ALDOC: variants seen among roughly 807,000 people sequenced by gnomAD.
ALDOC encodes aldolase, fructose-bisphosphate C, also known as fructose-bisphosphate aldolase C.
A neutral mutation model predicts 39.5 loss-of-function variants in ALDOC; 23 were observed. That is an observed-to-expected ratio of 0.58 (90% confidence interval 0.42 to 0.82). The LOEUF (loss-of-function observed/expected upper bound fraction) is 0.82, where lower values mean the gene tolerates loss of function less well. Among genes scored for constraint, ALDOC ranks in the 40% least tolerant of loss-of-function variants. The pLI is 0.00. For synonymous variants in ALDOC, 160 were observed against 182.6 expected, an observed-to-expected ratio of 0.88 and a Z score of 1.00; for missense variants, 356 against 479.1, an observed-to-expected ratio of 0.74 and a Z score of 2.40.
chr17:28,574,714 A>G lies in ALDOC; in HGVS notation c.522T>C (p.Tyr174=). The G allele has an allele frequency of 6.2e-7, 1 of 1,614,212 alleles. No individual in the cohort carries two copies. The highest frequency in any genetic ancestry group is 8.5e-7 in the Non-Finnish European group (1 of 1,180,030). The part of the protein sequence containing the change: ...ILENANVLAR[Y]ASICQQNGIV... ...CACACACCTGCTGGCAGATACTGGC[A>G]TAACGGGCCAGCACGTTGGCGTTCT... The change falls in exon 5 of 9, where the codon TAT becomes TAC. Residue 174 remains tyrosine, a synonymous_variant. Coordinates refer to ENST00000226253, the MANE Select transcript of ALDOC (RefSeq NM_005165.3).
rs778804657 is a variant in ALDOC at position 28,574,706 on chromosome 17, A to G, written c.530T>C (p.Ile177Thr). The change falls in exon 5 of 9, where the codon ATC becomes ACC. Residue 177 changes from isoleucine to threonine, a missense_variant. Coordinates refer to ENST00000226253, the MANE Select transcript of ALDOC (RefSeq NM_005165.3). ...TCCCAACACACACACCTGCTGGCAG[A>G]TACTGGCATAACGGGCCAGCACGTT... Reference protein sequence around the residue: ...NANVLARYASICQQNGIVPIV... With the variant: ...NANVLARYASTCQQNGIVPIV... The G allele has an allele frequency of 1.1e-5, 18 of 1,614,064 alleles. No individual in the cohort carries two copies. The highest frequency in any genetic ancestry group is 1.4e-5 in the Non-Finnish European group (17 of 1,180,014).
At position 28,575,778 on chromosome 17, in the gene ALDOC, T is replaced by G; in HGVS notation, c.-12-234A>C. The G allele has an allele frequency of 1.6e-6, 1 of 628,078 alleles. No individual in the cohort carries two copies. Among genetic ancestry groups the G allele is most frequent in the Non-Finnish European group, 2.6e-6 (1 of 390,374 alleles). 38.9% of individuals were successfully genotyped at this position (628,078 alleles called of 1,614,324 possible). A position where few individuals can be genotyped will look rare whatever the true frequency, so the allele number is the denominator to read the frequency against. ...CATCCTTCCCAGCCCTGGGGAAAGA[T>G]GCAGGGTGGGGGTGGGGAGGTGAGC... On this transcript the variant is annotated intron_variant, in intron 1 of 8. Transcript: ENST00000226253. This position sits in a 1 kb window ranked among gnomAD's most constrained non-coding sequence, Gnocchi z 4.3.
chr17:28,574,261 G>T lies in ALDOC; in HGVS notation c.625-20C>A. The T allele has an allele frequency of 6.4e-7, 1 of 1,571,754 alleles. No individual in the cohort carries two copies. Among genetic ancestry groups the T allele is most frequent in the East Asian group, 2.2e-5 (1 of 44,652 alleles). On this transcript the variant is annotated intron_variant, in intron 6 of 8. Transcript: ENST00000226253. ...CAAGACCTGGGTGGGGATTAGAGGA[G>T]GTTTACTAAGGGTCTGGGCCCCCAC...
Position 28,575,347 on chromosome 17 carries a change from A to T in ALDOC, c.113-13T>A. 1 of 1,613,940 alleles carries T rather than the reference A, an allele frequency of 6.2e-7. No individual in the cohort carries two copies. Among genetic ancestry groups the T allele is most frequent in the South Asian group, 1.1e-5 (1 of 91,034 alleles). On this transcript the variant is annotated splice_polypyrimidine_tract_variant and intron_variant, in intron 2 of 8. Transcript: ENST00000226253. The surrounding 1 kb of genome is among the most constrained non-coding windows in gnomAD (Gnocchi z 4.3). Reference sequence around the variant, plus strand: ...TTGGCCATGCTGCCTAGGGGCAAACAAAGAGAGGCAGTGAGAACATCCCCA... The same window carrying T: ...TTGGCCATGCTGCCTAGGGGCAAACTAAGAGAGGCAGTGAGAACATCCCCA...
chr17:28,575,503 A>G lies in ALDOC; in HGVS notation c.30T>C (p.Ala10=). Residue 10 remains alanine, a synonymous_variant, in exon 2 of 9, where the codon GCT becomes GCC. Coordinates refer to ENST00000226253, the MANE Select transcript of ALDOC (RefSeq NM_005165.3). This position sits in a 1 kb window ranked among gnomAD's most constrained non-coding sequence, Gnocchi z 4.3. MPHSYPALS[A]EQKKELSDIA... ...TGTCAGACAACTCCTTCTTCTGCTC[A>G]GCAGAAAGGGCTGGGTACGAGTGAG... 6.2e-7 allele frequency: 1 copy of G among 1,614,212 alleles called. No homozygotes were observed. Among genetic ancestry groups the G allele is most frequent in the Non-Finnish European group, 8.5e-7 (1 of 1,180,042 alleles).
Position 28,575,382 on chromosome 17 carries a change from A to G in ALDOC, c.112+39T>C. ...AGTGAGAACATCCCCAGGGTCCCCT[A>G]GCCACCTGTACCCTACCTGGCTACA... On this transcript the variant is annotated intron_variant, in intron 2 of 8. Transcript: ENST00000226253. This position sits in a 1 kb window ranked among gnomAD's most constrained non-coding sequence, Gnocchi z 4.3. 6.2e-7 allele frequency: 1 copy of G among 1,614,190 alleles called. No homozygotes were observed. Among genetic ancestry groups the G allele is most frequent in the South Asian group, 1.1e-5 (1 of 91,088 alleles).
Position 28,576,854 on chromosome 17 carries a change from C to G in ALDOC, c.-66G>C. On this transcript the variant is annotated 5_prime_UTR_variant, in exon 1 of 9. Coordinates refer to ENST00000226253, the MANE Select transcript of ALDOC (RefSeq NM_005165.3). ...CACAAGCACAGCTCGGGTTCTGATC[C>G]GCAAACAGATGAGGCTGCAGCCCTG... is the stretch of plus-strand genomic sequence containing the variant. 1 of 985,468 alleles carries G rather than the reference C, an allele frequency of 1.0e-6. No homozygotes were observed. The highest frequency in any genetic ancestry group is 1.2e-6 in the Non-Finnish European group (1 of 829,972). The allele number at this position is 985,468 out of a possible 1,614,324, so 61.0% of individuals were successfully genotyped here.
In ALDOC at chr17:28,573,492, G is replaced by A; in HGVS notation, c.*34C>T. On this transcript the variant is annotated 3_prime_UTR_variant, in exon 9 of 9. Coordinates refer to ENST00000226253, the MANE Select transcript of ALDOC (RefSeq NM_005165.3). This position sits in a 1 kb window ranked among gnomAD's most constrained non-coding sequence, Gnocchi z 4.3. ...ACTACAAGCAAAAGTGGGTGCAGAT[G>A]GCTGGGCCAAGGGCTGTGGTATGGA... The A allele has an allele frequency of 6.2e-7, 1 of 1,605,300 alleles. No homozygotes were observed. Among genetic ancestry groups the A allele is most frequent in the Non-Finnish European group, 8.5e-7 (1 of 1,172,050 alleles).
rs144495937 is a variant in ALDOC, at chr17:28,573,328, G to C, written c.*198C>G. 1.4e-4 allele frequency: 85 copies of C among 624,990 alleles called. No homozygotes were observed. The African/African-American group carries it at 1.5e-3, about 11-fold the overall frequency. 38.7% of individuals were successfully genotyped at this position (624,990 alleles called of 1,614,324 possible). ...CTTCTAGCAATTTCTTCTGCCCTCA[G>C]TCATGAGGGGCTCCCTATCCTCCCA... On this transcript the variant is annotated 3_prime_UTR_variant, in exon 9 of 9. Transcript: ENST00000226253. This position sits in a 1 kb window ranked among gnomAD's most constrained non-coding sequence, Gnocchi z 4.3.
Position 28,575,197 on chromosome 17 carries a change from G to A in ALDOC, c.250C>T (p.Leu84Phe). 1 of 1,614,142 alleles carries A rather than the reference G, an allele frequency of 6.2e-7. No individual in the cohort carries two copies. Among genetic ancestry groups the A allele is most frequent in the Non-Finnish European group, 8.5e-7 (1 of 1,180,038 alleles). ...ACACCATTATCATCTTTCTGGTAGAGGGTCTCATGGAAGAAAATGACGCCT... is the reference window on the plus strand; with the variant it reads ...ACACCATTATCATCTTTCTGGTAGAAGGTCTCATGGAAGAAAATGACGCCT... Reference protein sequence around the residue: ...IGGVIFFHETLYQKDDNGVPF... With the variant: ...IGGVIFFHETFYQKDDNGVPF... The change falls in exon 3 of 9, where the codon CTC (leucine) becomes TTC (phenylalanine). Residue 84 changes from leucine (L) to phenylalanine (F), a missense_variant. Coordinates refer to ENST00000226253, the MANE Select transcript of ALDOC (RefSeq NM_005165.3). The surrounding 1 kb of genome is among the most constrained non-coding windows in gnomAD (Gnocchi z 4.3).
chr17:28,573,318 T>C lies in ALDOC; in HGVS notation c.*208A>G, dbSNP rs969177401. On this transcript the variant is annotated 3_prime_UTR_variant, in exon 9 of 9. Transcript: ENST00000226253. This position sits in a 1 kb window ranked among gnomAD's most constrained non-coding sequence, Gnocchi z 4.3. ...CCTGTTCTGACTTCTAGCAATTTCT[T>C]CTGCCCTCAGTCATGAGGGGCTCCC... The C allele has an allele frequency of 8.3e-6, 5 of 601,620 alleles. No individual in the cohort carries two copies. In the East Asian group the frequency reaches 1.4e-4, roughly 17 times the overall value. The allele number at this position is 601,620 out of a possible 1,614,324, so 37.3% of individuals were successfully genotyped here. A position where few individuals can be genotyped will look rare whatever the true frequency, so the allele number is the denominator to read the frequency against.
In ALDOC at chr17:28,573,418, G is replaced by T; in HGVS notation, c.*108C>A. The T allele has an allele frequency of 2.1e-6, 2 of 956,792 alleles. No individual in the cohort carries two copies. Among genetic ancestry groups the T allele is most frequent in the East Asian group, 2.4e-5 (1 of 41,710 alleles). 59.3% of individuals were successfully genotyped at this position (956,792 alleles called of 1,614,324 possible). A position where few individuals can be genotyped will look rare whatever the true frequency, so the allele number is the denominator to read the frequency against. ...AAGAGAGAAAGGAAGACAAGTTGGT[G>T]CCAGGTGAAGGCATCTCTGCTCTGC... is the stretch of plus-strand genomic sequence containing the variant. On this transcript the variant is annotated 3_prime_UTR_variant, in exon 9 of 9. Coordinates refer to ENST00000226253, the MANE Select transcript of ALDOC (RefSeq NM_005165.3). This position sits in a 1 kb window ranked among gnomAD's most constrained non-coding sequence, Gnocchi z 4.3.
At position 28,573,302 on chromosome 17, in the gene ALDOC, ACTT is replaced by A; in HGVS notation, c.*221_*223del. 1.7e-6 allele frequency: 1 copy of A among 590,138 alleles called. No homozygotes were observed. The highest frequency in any genetic ancestry group is 3.0e-6 in the Non-Finnish European group (1 of 329,264). The allele number at this position is 590,138 out of a possible 1,614,324, so 36.6% of individuals were successfully genotyped here. A position where few individuals can be genotyped will look rare whatever the true frequency, so the allele number is the denominator to read the frequency against. On this transcript the variant is annotated 3_prime_UTR_variant, in exon 9 of 9. Coordinates refer to ENST00000226253, the MANE Select transcript of ALDOC (RefSeq NM_005165.3). The surrounding 1 kb of genome is among the most constrained non-coding windows in gnomAD (Gnocchi z 4.3). ...GGGGAGACCCAGCCATCCTGTTCTG[ACTT>A]CTAGCAATTTCTTCTGCCCTCAGTC... is the stretch of plus-strand genomic sequence containing the variant.
chr17:28,576,157 G>C (rs1197615834), intron 1 of ALDOC: 1 of 254,256 alleles, frequency 3.9e-6, no homozygotes, highest in African/African-American at 2.3e-5. Context: ...CAGTACCAGA[G>C]GTTGGCCCCA....
Position 28,575,888 on chromosome 17 carries a change from G to T in ALDOC, c.-12-344C>A. Reference sequence around the variant, plus strand: ...CTTTCACTGAACTTGGTCCCTTGTTGAGGTAGGCAAAAGTCCTGGCCTTTC... The same window carrying T: ...CTTTCACTGAACTTGGTCCCTTGTTTAGGTAGGCAAAAGTCCTGGCCTTTC... On this transcript the variant is annotated intron_variant, in intron 1 of 8. Coordinates refer to ENST00000226253, the MANE Select transcript of ALDOC (RefSeq NM_005165.3). This position sits in a 1 kb window ranked among gnomAD's most constrained non-coding sequence, Gnocchi z 4.3. 2 of 846,094 alleles carry T rather than the reference G, an allele frequency of 2.4e-6. No homozygotes were observed. Among genetic ancestry groups the T allele is most frequent in the Non-Finnish European group, 3.0e-6 (2 of 666,176 alleles). The allele number at this position is 846,094 out of a possible 1,614,324, so 52.4% of individuals were successfully genotyped here. A position where few individuals can be genotyped will look rare whatever the true frequency, so the allele number is the denominator to read the frequency against.
Position 28,573,709 on chromosome 17 carries a change from A to C in ALDOC, c.999+26T>G, listed in dbSNP as rs1334218287. The C allele has an allele frequency of 6.2e-7, 1 of 1,613,824 alleles. No homozygotes were observed. Among genetic ancestry groups the C allele is most frequent in the East Asian group, 2.2e-5 (1 of 44,882 alleles). ...GCTATAGCCTCTGGGTGCTGCCCCC[A>C]CCCACCACCACCTGTAGCTCCCAAC... On this transcript the variant is annotated intron_variant, in intron 8 of 8. Coordinates refer to ENST00000226253, the MANE Select transcript of ALDOC (RefSeq NM_005165.3). This position sits in a 1 kb window ranked among gnomAD's most constrained non-coding sequence, Gnocchi z 4.3.
Position 28,575,510 on chromosome 17 carries a change from AGGGCT to A in ALDOC, c.18_22del (p.Ala7PhefsTer3), listed in dbSNP as rs1388650282. The A allele has an allele frequency of 1.9e-6, 3 of 1,614,204 alleles. No individual in the cohort carries two copies. The highest frequency in any genetic ancestry group is 2.5e-6 in the Non-Finnish European group (3 of 1,180,030). ...CAACTCCTTCTTCTGCTCAGCAGAA[AGGGCT>A]GGGTACGAGTGAGGCATGGTGACAG... On this transcript the variant is annotated frameshift_variant, in exon 2 of 9. Coordinates refer to ENST00000226253, the MANE Select transcript of ALDOC (RefSeq NM_005165.3). LOFTEE classifies it high-confidence loss of function. The surrounding 1 kb of genome is among the most constrained non-coding windows in gnomAD (Gnocchi z 4.3).
In ALDOC at chr17:28,574,100, C is replaced by T; in HGVS notation, c.766G>A (p.Ala256Thr). The T allele has an allele frequency of 6.2e-7, 1 of 1,603,696 alleles. No homozygotes were observed. The highest frequency in any genetic ancestry group is 8.5e-7 in the Non-Finnish European group (1 of 1,174,614). Reference sequence around the variant, plus strand: ...GCTGGGGGCACAGTGCGACGCAGGGCAGTGACAGTTGCCATGGCAATCTCC... The same window carrying T: ...GCTGGGGGCACAGTGCGACGCAGGGTAGTGACAGTTGCCATGGCAATCTCC... ...PEEIAMATVT[A>T]LRRTVPPAVP... The change falls in exon 7 of 9, where the codon GCC becomes ACC. Residue 256 changes from alanine to threonine, a missense_variant. Physicochemically the swap from Ala to Thr is moderately conservative, Grantham distance 58. Transcript: ENST00000226253.
chr17:28,574,621 A>C (rs1489604326), intron 5 of ALDOC, 44 bp from the exon 6 acceptor site: 1 of 1,613,832 alleles, frequency 6.2e-7, no homozygotes, highest in Admixed American at 1.7e-5. Context: ...AGTAGGGGAG[A>C]TGAAGAAAGC....
Sources: allele counts gnomAD v4.1 joint callset, GRCh38; gene constraint gnomAD v4.1.1; non-coding constraint Gnocchi (gnomAD v3.1); transcripts MANE v1.5; gene names NCBI Gene and HGNC (gene_info 2026-07-23, HGNC 2026-07-21).